Variants in KCNG3 observed in about 807,000 individuals in gnomAD.
KCNG3 encodes the protein potassium voltage-gated channel modifier subfamily G member 3, also known as voltage-gated potassium channel regulatory subunit KCNG3.
A neutral mutation model predicts 29.0 loss-of-function variants in KCNG3; 15 were observed. That is an observed-to-expected ratio of 0.52 (90% confidence interval 0.35 to 0.80). The LOEUF (loss-of-function observed/expected upper bound fraction) is 0.80. Ranked by LOEUF, KCNG3 falls within the 30% of genes least tolerant of loss-of-function variation. KCNG3 has a pLI of 0.01. For missense variants in KCNG3, 512 were observed against 605.7 expected, an observed-to-expected ratio of 0.85 and a Z score of 1.62; for synonymous variants, 322 against 248.9, an observed-to-expected ratio of 1.29 and a Z score of -2.76.
At chr2:42,456,538 G>A (rs1572846846) in intron 1 of KCNG3, among the ~76,000 whole-genome samples, 1 of 152,020 alleles carries the variant, frequency 6.6e-6, no homozygotes, top group African/African-American at 2.4e-5. Context: ...AAAGATTTGT[G>A]ACCATTATTA....
At position 42,493,196 on chromosome 2, in the gene KCNG3, G is replaced by T; in HGVS notation, c.306C>A (p.Gly102=). The part of the protein sequence containing the change: ...LSFYNEMIYW[G]LEGAHLEYCC... ...AGTACTCGAGGTGCGCGCCCTCCAG[G>T]CCCCAGTAGATCATCTCGTTGTAGA... Residue 102 remains glycine (G), a synonymous_variant, in exon 1 of 2, where the codon GGC becomes GGA. Coordinates refer to ENST00000306078, the MANE Select transcript of KCNG3 (RefSeq NM_133329.6). The T allele has an allele frequency of 6.2e-7, 1 of 1,610,436 alleles. No homozygotes were observed. The highest frequency in any genetic ancestry group is 8.5e-7 in the Non-Finnish European group (1 of 1,179,840).
chr2:42,423,440 C>T, the KCNG3 span, among the ~76,000 whole-genome samples: 3 of 152,164 alleles, frequency 2.0e-5, no homozygotes, highest in Non-Finnish European at 4.4e-5. Context: ...CCTAATCTGA[C>T]CTCTGCCCAC....
downstream of KCNG3, among the ~76,000 whole-genome samples, chr2:42,440,668 T>G (rs1385906800): frequency 1.5e-4 from 23 of 152,288 alleles, no homozygotes. Flanking sequence ...AAATAACTTT[T>G]CAGAAAGTAT....
intron 1 of KCNG3, among the ~76,000 whole-genome samples, chr2:42,480,802 G>C (rs1445528262): frequency 7.5e-6 from 1 of 134,088 alleles, no homozygotes; most frequent in Non-Finnish European, 1.6e-5. Context: ...TTTTTTCTTT[G>C]AGATGGAGTC....
intron 1 of KCNG3, among the ~76,000 whole-genome samples, chr2:42,491,930 C>T (rs1673888186): frequency 6.6e-6 from 1 of 152,004 alleles, no homozygotes; most frequent in Non-Finnish European, 1.5e-5. Flanking sequence ...GGTTTTGTGC[C>T]CCAAAAGGCT....
Position 42,493,659 on chromosome 2 carries a change from G to A in KCNG3, c.-158C>T, listed in dbSNP as rs1673983680. 4 of 526,384 alleles carry A rather than the reference G, an allele frequency of 7.6e-6. No individual in the cohort carries two copies. Among genetic ancestry groups the A allele is most frequent in the Non-Finnish European group, 5.7e-6 (2 of 351,206 alleles). 32.6% of individuals were successfully genotyped at this position (526,384 alleles called of 1,614,324 possible). A position where few individuals can be genotyped will look rare whatever the true frequency, so the allele number is the denominator to read the frequency against. On this transcript the variant is annotated 5_prime_UTR_variant, in exon 1 of 2. Coordinates refer to ENST00000306078, the MANE Select transcript of KCNG3 (RefSeq NM_133329.6). ...GCTCCTGCCCTCCGCTGGCCCGGGG[G>A]TCCCTGGGCTCGAGTATCTCCGGCG... is the stretch of plus-strand genomic sequence containing the variant.
the KCNG3 span, among the ~76,000 whole-genome samples, chr2:42,407,583 C>T: frequency 2.2e-4 from 34 of 152,160 alleles, no homozygotes; most frequent in Non-Finnish European, 4.3e-4. Context: ...CCACAGCCAT[C>T]CAAGTCATGG....
chr2:42,415,150 T>G, the KCNG3 span, among the ~76,000 whole-genome samples: 1 of 152,178 alleles, frequency 6.6e-6, no homozygotes, highest in Non-Finnish European at 1.5e-5. Context: ...TGGTGCTGTG[T>G]TCCATCCTAA....
intron 1 of KCNG3, among the ~76,000 whole-genome samples, chr2:42,478,003 G>C (rs1285620996): frequency 6.6e-6 from 1 of 152,112 alleles, no homozygotes; most frequent in Non-Finnish European, 1.5e-5. Context: ...CGTTTGTAAA[G>C]TGGGAGTTGG....
At chr2:42,400,008 C>A in the KCNG3 span, among the ~76,000 whole-genome samples, 3 of 152,154 alleles carry the variant, frequency 2.0e-5, no homozygotes, top group Non-Finnish European at 4.4e-5. Flanking sequence ...ATTCAGGAGG[C>A]TGAGAAGAGA....
chr2:42,428,815 A>C, the KCNG3 span, among the ~76,000 whole-genome samples: 1 of 152,160 alleles, frequency 6.6e-6, no homozygotes, highest in Non-Finnish European at 1.5e-5. Flanking sequence ...CCTCCTGCTG[A>C]TTCCTACAGA....
At chr2:42,483,331 G>A (rs1332053005) in intron 1 of KCNG3, among the ~76,000 whole-genome samples, 1 of 152,172 alleles carries the variant, frequency 6.6e-6, no homozygotes, top group Non-Finnish European at 1.5e-5. Context: ...AATGTTTAAA[G>A]CACAATCCTT....
In KCNG3 at chr2:42,444,396, C is replaced by G. The variant is rs750768243; in HGVS notation, c.849G>C (p.Arg283Ser). The change falls in exon 2 of 2, where the codon AGG (arginine) becomes AGC (serine). Residue 283 changes from arginine (R) to serine (S), a missense_variant. Arg to Ser is a moderately radical substitution (Grantham distance 110). Transcript: ENST00000306078. The surrounding 1 kb of genome is among the most constrained non-coding windows in gnomAD (Gnocchi z 5.8). ...VFTGENSQLQRAGVTLRVLRM... is the reference protein window; with the variant it reads ...VFTGENSQLQSAGVTLRVLRM... ...TAAGTACCCTCAAGGTGACTCCAGC[C>G]CTCTGGAGTTGAGAGTTCTCGCCTG... 5 of 1,613,912 alleles carry G rather than the reference C, an allele frequency of 3.1e-6. No homozygotes were observed. Among genetic ancestry groups the G allele is most frequent in the Non-Finnish European group, 4.2e-6 (5 of 1,179,840 alleles).
the KCNG3 span, among the ~76,000 whole-genome samples, chr2:42,412,921 GTTTC>G: frequency 7.9e-5 from 12 of 151,990 alleles, no homozygotes; most frequent in South Asian, 2.1e-4. Context: ...TTTTAGAAAT[GTTTC>G]TTTCTTTTTT....
the KCNG3 span, among the ~76,000 whole-genome samples, chr2:42,398,495 ACTCAGAATGG>A: frequency 6.6e-6 from 1 of 152,146 alleles, no homozygotes; most frequent in African/African-American, 2.4e-5. Context: ...ATTATGGAAG[ACTCAGAATGG>A]CTTTGATAAG....
At chr2:42,412,071 A>AC in the KCNG3 span, among the ~76,000 whole-genome samples, 1 of 152,156 alleles carries the variant, frequency 6.6e-6, no homozygotes, top group Non-Finnish European at 1.5e-5. Flanking sequence ...TGAACTGACT[A>AC]CCCCTGGACT....
In KCNG3 at chr2:42,485,839, A is replaced by T. The variant is rs150669273; in HGVS notation, c.665+6998T>A. On this transcript the variant is annotated intron_variant, in intron 1 of 1. Transcript: ENST00000306078. ...TTGGAAGTGTCAGAATAATACTCAG[A>T]TGTTACTAGAAGGCAAACTGCCTGA... 6.3e-4 allele frequency among the ~76,000 whole-genome samples: 96 copies of T among 152,340 alleles called. 1 individual carries two copies. The East Asian group carries it at 0.016, about 25-fold the overall frequency.
At chr2:42,404,445 G>A in the KCNG3 span, among the ~76,000 whole-genome samples, 1 of 152,028 alleles carries the variant, frequency 6.6e-6, no homozygotes, top group South Asian at 2.1e-4. Context: ...TAGTAAAGTG[G>A]AGCCAGGCGC....
At chr2:42,455,909 T>G (rs1156552440) in intron 1 of KCNG3, among the ~76,000 whole-genome samples, 1 of 149,896 alleles carries the variant, frequency 6.7e-6, no homozygotes, top group African/African-American at 2.4e-5. Context: ...AAAATAATAA[T>G]TATATACATA....
Sources: gnomAD v4.1 joint callset for allele counts (sites outside exome capture counted in the v4.1 genomes callset) on GRCh38, gnomAD v4.1.1 for gene constraint, Gnocchi (gnomAD v3.1) non-coding constraint, MANE v1.5 for transcripts, NCBI Gene and HGNC (gene_info 2026-07-23, HGNC 2026-07-21) for gene names.